EXOC2: variants seen among roughly 807,000 people sequenced by gnomAD.
EXOC2 encodes SEC5-like 1.
A neutral mutation model predicts 131.8 loss-of-function variants in EXOC2; 70 were observed. The observed-to-expected ratio is 0.53, with a 90% confidence interval of 0.44 to 0.65. The LOEUF is 0.65. Among genes scored for constraint, EXOC2 ranks in the 30% least tolerant of loss-of-function variants. The pLI is 0.00. For missense variants in EXOC2, 923 were observed against 1,108.6 expected (o/e 0.83, Z 2.38); for synonymous variants, 411 against 398.4 (o/e 1.03, Z -0.38).
intron 9 of EXOC2, 147 bp downstream of exon 9, chr6:598,713 T>C: frequency 1.6e-6 from 1 of 615,866 alleles, no homozygotes; most frequent in Non-Finnish European, 2.8e-6. Flanking sequence ...AGTCATACTG[T>C]TATTTCTGAA....
rs533325723 is a variant in EXOC2 at position 501,184 on chromosome 6, T to A, written c.2381-1484A>T. 5.9e-4 allele frequency among the ~76,000 whole-genome samples: 12 copies of A among 20,296 alleles called. 1 individual carries two copies. The highest frequency in any genetic ancestry group is 1.9e-3 in the Admixed American group (2 of 1,046). The allele number at this position is 20,296 out of a possible 152,430, so 13.3% of individuals were successfully genotyped here. On this transcript the variant is annotated intron_variant, in intron 23 of 27. Transcript: ENST00000230449. The stretch of plus-strand genomic sequence containing the variant: ...ATATATATTATATATATCTATATAT[T>A]ATATATATCTATATATATTATATAT...
chr6:521,607 G>T (rs1432967030), intron 23 of EXOC2, among the ~76,000 whole-genome samples: 1 of 151,088 alleles, frequency 6.6e-6, no homozygotes, highest in South Asian at 2.1e-4. Flanking sequence ...GGCTCACCAC[G>T]CCTTGACCTC....
chr6:617,068 G>A (rs1407642735), intron 6 of EXOC2, among the ~76,000 whole-genome samples: 3 of 152,050 alleles, frequency 2.0e-5, no homozygotes, highest in Non-Finnish European at 4.4e-5. Flanking sequence ...AGCTATATGG[G>A]TATTTAGTTT....
Position 499,682 on chromosome 6 carries a change from T to C in EXOC2, c.2399A>G (p.Lys800Arg), listed in dbSNP as rs1299854281. 1 of 1,613,784 alleles carries C rather than the reference T, an allele frequency of 6.2e-7. No individual in the cohort carries two copies. The highest frequency in any genetic ancestry group is 1.3e-5 in the African/African-American group (1 of 74,914). Reference sequence around the variant, plus strand: ...GGCAATTATATTCACCAGTGCTTCTTTTAAATAGTTTCTGACACCTGAAAT... The same window carrying C: ...GGCAATTATATTCACCAGTGCTTCTCTTAAATAGTTTCTGACACCTGAAAT... ...LPPTGVRNYL[K>R]EALVNIIAVH... is the part of the protein sequence containing the mutation. Residue 800 changes from lysine (K) to arginine (R), a missense_variant, in exon 24 of 28, where the codon AAA (lysine) becomes AGA (arginine). Coordinates refer to ENST00000230449, the MANE Select transcript of EXOC2 (RefSeq NM_018303.6).
At chr6:662,667 A>G (rs1397506040) in intron 1 of EXOC2, among the ~76,000 whole-genome samples, 1 of 152,200 alleles carries the variant, frequency 6.6e-6, no homozygotes. Flanking sequence ...TGCCATGAGG[A>G]AAGTTCATAG....
At position 501,965 on chromosome 6, in the gene EXOC2, C is replaced by G. The variant is rs570513339; in HGVS notation, c.2381-2265G>C. Among the ~76,000 whole-genome samples the G allele has an allele frequency of 1.3e-5, 2 of 151,964 alleles. 1 individual carries two copies. The highest frequency in any genetic ancestry group is 4.1e-4 in the South Asian group (2 of 4,822). Reference sequence around the variant, plus strand: ...GTCTGGAGACCAGAGAGGCTTTCTTCCCGCAGGAGGAAAGCCACACCCCCC... The same window carrying G: ...GTCTGGAGACCAGAGAGGCTTTCTTGCCGCAGGAGGAAAGCCACACCCCCC... On this transcript the variant is annotated intron_variant, in intron 23 of 27. Coordinates refer to ENST00000230449, the MANE Select transcript of EXOC2 (RefSeq NM_018303.6).
chr6:653,813 AGAG>A lies in EXOC2; in HGVS notation c.-43-15955_-43-15953del, dbSNP rs1179195071. ...TGCCATCTAGGACTTTCATAGCTAG[AGAG>A]GAGAAGTCAATACCTGGCTTCAAAG... is the stretch of plus-strand genomic sequence containing the variant. On this transcript the variant is annotated intron_variant, in intron 1 of 27. Transcript: ENST00000230449. 8.5e-5 allele frequency among the ~76,000 whole-genome samples: 13 copies of A among 152,344 alleles called. No homozygotes were observed. The South Asian group carries it at 1.2e-3, about 15-fold the overall frequency.
chr6:625,518 CTTTTTTTTTTTTTTTT>C (rs796295514), intron 4 of EXOC2, among the ~76,000 whole-genome samples: 6 of 108,058 alleles, frequency 5.6e-5, no homozygotes, highest in Admixed American at 1.0e-4. Context: ...TGTTTCCGTT[CTTTTTTTTTTTTTTTT>C]TTTTTTGTCT....
At position 693,102 on chromosome 6, in the gene EXOC2, G is replaced by C. The variant is rs984849397; in HGVS notation, c.-127C>G. The stretch of plus-strand genomic sequence containing the variant: ...GAAGACTCCGCGGCCGCCAGCCGCC[G>C]GCACCTCACTTCCGCCCGCCGCGAG... On this transcript the variant is annotated 5_prime_UTR_variant, in exon 1 of 28. Transcript: ENST00000230449. 6.6e-6 allele frequency: 1 copy of C among 152,402 alleles called. No individual in the cohort carries two copies. Among genetic ancestry groups the C allele is most frequent in the Non-Finnish European group, 1.5e-5 (1 of 68,202 alleles). 9.4% of individuals were successfully genotyped at this position (152,402 alleles called of 1,614,324 possible).
chr6:563,777 A>G (rs1047760391), intron 16 of EXOC2, among the ~76,000 whole-genome samples: 1 of 152,210 alleles, frequency 6.6e-6, no homozygotes, highest in Non-Finnish European at 1.5e-5. Flanking sequence ...TCTACTTAAC[A>G]TTTATCATAA....
chr6:653,777 T>A (rs958967981), intron 1 of EXOC2, among the ~76,000 whole-genome samples: 6 of 152,166 alleles, frequency 3.9e-5, no homozygotes, highest in African/African-American at 1.4e-4. Context: ...TAGCCTTCAA[T>A]TGGAAGAAGA....
intron 1 of EXOC2, among the ~76,000 whole-genome samples, chr6:646,617 T>C (rs1412208692): frequency 1.3e-5 from 2 of 152,248 alleles, no homozygotes; most frequent in Non-Finnish European, 2.9e-5. Context: ...AATTGAAAGA[T>C]ATTTATTTTC....
intron 11 of EXOC2, among the ~76,000 whole-genome samples, chr6:586,260 T>C (rs1050517188): frequency 1.3e-5 from 2 of 152,180 alleles, no homozygotes; most frequent in East Asian, 3.9e-4. Flanking sequence ...TGGCATCCGC[T>C]GCAGGCTGCC....
intron 11 of EXOC2, among the ~76,000 whole-genome samples, chr6:581,283 G>A (rs940050409): frequency 1.5e-5 from 2 of 136,066 alleles, no homozygotes; most frequent in Non-Finnish European, 3.0e-5. Flanking sequence ...GAGACAGAGC[G>A]AGACTCTGTC....
At chr6:512,988 G>A (rs559642174) in intron 23 of EXOC2, among the ~76,000 whole-genome samples, 39 of 152,248 alleles carry the variant, frequency 2.6e-4, no homozygotes, top group Non-Finnish European at 3.7e-4. Context: ...GCAAAATGTC[G>A]TCTGGCATTT....
At chr6:570,144 T>TTG (rs1758189712) in intron 13 of EXOC2, among the ~76,000 whole-genome samples, 1 of 151,280 alleles carries the variant, frequency 6.6e-6, no homozygotes, top group South Asian at 2.1e-4. Flanking sequence ...CTCTTTTTTT[T>TTG]TTTTTTTGAG....
At chr6:492,524 T>C (rs1400305948) in intron 25 of EXOC2, among the ~76,000 whole-genome samples, 1 of 152,140 alleles carries the variant, frequency 6.6e-6, no homozygotes, top group Non-Finnish European at 1.5e-5. Flanking sequence ...AGCTGATGAA[T>C]GGATAAATAA....
chr6:652,626 C>T (rs1762883904), intron 1 of EXOC2, among the ~76,000 whole-genome samples: 1 of 152,120 alleles, frequency 6.6e-6, no homozygotes, highest in Non-Finnish European at 1.5e-5. Flanking sequence ...CCTTTTATAA[C>T]CTCTCTTCGT....
chr6:610,187 A>C lies in EXOC2; in HGVS notation c.662-9T>G, dbSNP rs759664039. On this transcript the variant is annotated splice_polypyrimidine_tract_variant and intron_variant, in intron 6 of 27. Coordinates refer to ENST00000230449, the MANE Select transcript of EXOC2 (RefSeq NM_018303.6). ...TAGTTTTTGATGGATGGCTAGAAAA[A>C]AAAATCTAGTTAAAATGTAGGCCAT... is the stretch of plus-strand genomic sequence containing the variant. The C allele has an allele frequency of 1.2e-6, 2 of 1,612,698 alleles. No homozygotes were observed. The highest frequency in any genetic ancestry group is 1.7e-5 in the Admixed American group (1 of 59,960).
Sources: gnomAD v4.1 joint callset for allele counts (sites outside exome capture counted in the v4.1 genomes callset) on GRCh38, gnomAD v4.1.1 for gene constraint, MANE v1.5 for transcripts, NCBI Gene and HGNC (gene_info 2026-07-23, HGNC 2026-07-21) for gene names.